The following DLGAP2 variants were observed in gnomAD, a reference collection of about 807,000 sequenced individuals.
DLGAP2 encodes the protein disks large-associated protein 2.
Under a neutral mutation model 100.3 loss-of-function variants are expected in DLGAP2, and 26 were observed. That is an observed-to-expected ratio of 0.26 (90% confidence interval 0.19 to 0.36). The LOEUF (loss-of-function observed/expected upper bound fraction) is 0.36. Among genes scored for constraint, DLGAP2 ranks in the 10% least tolerant of loss-of-function variants. The probability of loss-of-function intolerance (pLI) is 1.00; values close to 1 mark genes in which losing one functional copy is unlikely to be tolerated. For missense variants in DLGAP2, 1,858 were observed against 1,453.2 expected, an observed-to-expected ratio of 1.28 and a Z score of -4.53; for synonymous variants, 886 against 630.1, an observed-to-expected ratio of 1.41 and a Z score of -6.08.
chr8:1,046,972 A>C (rs1363550494), intron 2 of DLGAP2, among the ~76,000 whole-genome samples: 1 of 150,680 alleles, frequency 6.6e-6, no homozygotes, highest in East Asian at 1.9e-4. Flanking sequence ...GTTTTTTTTA[A>C]TAATACAGCT....
chr8:888,662 G>T (rs1161599779), intron 1 of DLGAP2, among the ~76,000 whole-genome samples: 4 of 151,568 alleles, frequency 2.6e-5, no homozygotes, highest in Non-Finnish European at 5.9e-5. Flanking sequence ...GTTTGCTGGG[G>T]GTTCACTTCA....
At chr8:1,451,639 C>T (rs1367330250) in intron 3 of DLGAP2, among the ~76,000 whole-genome samples, 2 of 152,136 alleles carry the variant, frequency 1.3e-5, no homozygotes, top group African/African-American at 2.4e-5. Context: ...GTTGCCGGCT[C>T]CTCTTCCCTC....
intron 2 of DLGAP2, among the ~76,000 whole-genome samples, chr8:1,044,699 A>T (rs901300874): frequency 2.6e-5 from 4 of 152,160 alleles, no homozygotes; most frequent in Non-Finnish European, 5.9e-5. Flanking sequence ...TATCGGAGGA[A>T]AGTTTCTGCT....
At chr8:1,464,237 A>AAG (rs1798546434) in intron 3 of DLGAP2, among the ~76,000 whole-genome samples, 1 of 34,806 alleles carries the variant, frequency 2.9e-5, no homozygotes, top group African/African-American at 1.4e-4. Flanking sequence ...TTCCAGGACG[A>AAG]CACCCTTCCA....
At chr8:1,275,197 A>G (rs543538281) in intron 3 of DLGAP2, among the ~76,000 whole-genome samples, 8 of 152,186 alleles carry the variant, frequency 5.3e-5, no homozygotes, top group South Asian at 4.1e-4. Context: ...CCTGATCCCA[A>G]TGTTAAGGGG....
intron 2 of DLGAP2, among the ~76,000 whole-genome samples, chr8:1,194,359 G>A (rs1370698613): frequency 4.6e-5 from 7 of 152,082 alleles, no homozygotes; most frequent in African/African-American, 1.7e-4. Context: ...CAGACAGTCA[G>A]TGGTCGGTTG....
At chr8:1,687,040 C>G (rs996960820) in intron 12 of DLGAP2, among the ~76,000 whole-genome samples, 1 of 152,074 alleles carries the variant, frequency 6.6e-6, no homozygotes, top group Non-Finnish European at 1.5e-5. Flanking sequence ...TGCTCAAAAA[C>G]ATGAAAATCA....
chr8:1,653,682 T>G (rs1798218729), intron 8 of DLGAP2, among the ~76,000 whole-genome samples: 1 of 68,688 alleles, frequency 1.5e-5, no homozygotes. Context: ...GGCTGTGAAC[T>G]GCAGGGGCGG....
intron 6 of DLGAP2, among the ~76,000 whole-genome samples, chr8:1,590,677 T>G (rs1462353812): frequency 1.3e-5 from 2 of 152,226 alleles, no homozygotes; most frequent in Non-Finnish European, 2.9e-5. Flanking sequence ...TTAACTGAGT[T>G]TGTAGTTCTA....
intron 2 of DLGAP2, among the ~76,000 whole-genome samples, chr8:1,052,904 C>T (rs1221284646): frequency 6.6e-6 from 1 of 152,184 alleles, no homozygotes; most frequent in Non-Finnish European, 1.5e-5. Flanking sequence ...TATTAATCTT[C>T]CCCCAAATGT....
chr8:1,166,782 A>C (rs974203722), intron 2 of DLGAP2, among the ~76,000 whole-genome samples: 1 of 152,224 alleles, frequency 6.6e-6, no homozygotes, highest in Non-Finnish European at 1.5e-5. Flanking sequence ...TAAAATTTAC[A>C]TACAATAACA....
At chr8:894,543 C>G (rs1798101328) in intron 1 of DLGAP2, among the ~76,000 whole-genome samples, 1 of 149,744 alleles carries the variant, frequency 6.7e-6, no homozygotes, top group Non-Finnish European at 1.5e-5. Context: ...CACAGCTGAT[C>G]TCACTCACGT....
At chr8:1,522,918 C>T (rs567751985) in intron 4 of DLGAP2, among the ~76,000 whole-genome samples, 1 of 152,282 alleles carries the variant, frequency 6.6e-6, no homozygotes, top group Admixed American at 6.5e-5. Flanking sequence ...TAAAGGGATG[C>T]AGCTTTTTAC....
chr8:1,287,380 G>A (rs1368066841), intron 3 of DLGAP2, among the ~76,000 whole-genome samples: 1 of 144,558 alleles, frequency 6.9e-6, no homozygotes, highest in Non-Finnish European at 1.5e-5. Context: ...GCGTGTGTGT[G>A]TGTATGTGGT....
At chr8:1,502,675 C>T (rs1384725977) in intron 4 of DLGAP2, among the ~76,000 whole-genome samples, 2 of 152,156 alleles carry the variant, frequency 1.3e-5, no homozygotes, top group Non-Finnish European at 2.9e-5. Context: ...AATACTCCAT[C>T]GCGATGAATC....
At chr8:1,417,697 C>A (rs79998355) in intron 3 of DLGAP2, among the ~76,000 whole-genome samples, 3,433 of 76,082 alleles carry the variant, frequency 0.045, 407 homozygotes, top group Non-Finnish European at 0.078. Context: ...ACAGGGGGCC[C>A]CACTCCTGCC....
At chr8:1,214,223 T>C (rs1404240391) in intron 2 of DLGAP2, among the ~76,000 whole-genome samples, 1 of 152,162 alleles carries the variant, frequency 6.6e-6, no homozygotes, top group Non-Finnish European at 1.5e-5. Flanking sequence ...TCATTTTAAA[T>C]GCCCCTCCTC....
chr8:1,092,056 C>G (rs1343432706), intron 2 of DLGAP2, among the ~76,000 whole-genome samples: 1 of 152,182 alleles, frequency 6.6e-6, no homozygotes, highest in Non-Finnish European at 1.5e-5. Context: ...TGCACTCCAG[C>G]CGTGCAGCCT....
chr8:840,040 C>T (rs1376557954), intron 1 of DLGAP2, among the ~76,000 whole-genome samples: 6 of 94,016 alleles, frequency 6.4e-5, no homozygotes, highest in African/African-American at 1.3e-4. Context: ...CGCGTCCACA[C>T]GGTGCACGCC....
Sources: gnomAD v4.1 joint callset for allele counts (sites outside exome capture counted in the v4.1 genomes callset) on GRCh38, gnomAD v4.1.1 for gene constraint, MANE v1.5 for transcripts, NCBI Gene and HGNC (gene_info 2026-07-23, HGNC 2026-07-21) for gene names.